ZNF804B: variants seen among roughly 807,000 people sequenced by gnomAD.
ZNF804B encodes zinc finger 804B.
ZNF804B carries 80 observed loss-of-function variants against 101.4 expected under a neutral mutation model. That is an observed-to-expected ratio of 0.79 (90% confidence interval 0.66 to 0.95). The LOEUF is 0.95. ZNF804B is among the 40% of genes least tolerant of loss of function. The pLI is 0.00. For missense variants in ZNF804B, 1,673 were observed against 1,561.9 expected (o/e 1.07, Z -1.20); for synonymous variants, 622 against 558.8 (o/e 1.11, Z -1.59).
At chr7:89,160,997 C>A (rs1258746056) in intron 1 of ZNF804B, among the ~76,000 whole-genome samples, 1 of 152,090 alleles carries the variant, frequency 6.6e-6, no homozygotes, top group Non-Finnish European at 1.5e-5. Context: ...GTCTCTTGTG[C>A]CCCTTGGAGC....
intron 1 of ZNF804B, among the ~76,000 whole-genome samples, chr7:89,008,008 G>T (rs959344413): frequency 6.6e-6 from 1 of 152,024 alleles, no homozygotes; most frequent in Non-Finnish European, 1.5e-5. Flanking sequence ...TTATTCTCAT[G>T]ACAATCAGTC....
intron 1 of ZNF804B, among the ~76,000 whole-genome samples, chr7:88,950,081 G>A (rs568922584): frequency 1.3e-5 from 2 of 151,968 alleles, no homozygotes; most frequent in South Asian, 2.1e-4. Context: ...AAACTCTCCT[G>A]TTAGACCTGG....
At chr7:89,160,321 A>T (rs552914202) in intron 1 of ZNF804B, among the ~76,000 whole-genome samples, 3 of 152,204 alleles carry the variant, frequency 2.0e-5, no homozygotes, top group African/African-American at 7.2e-5. Context: ...ACACTAATAA[A>T]ATTTGACATG....
intron 1 of ZNF804B, among the ~76,000 whole-genome samples, chr7:88,873,939 A>G (rs981365383): frequency 2.0e-5 from 3 of 152,088 alleles, no homozygotes; most frequent in Non-Finnish European, 2.9e-5. Flanking sequence ...CTTAGGATTG[A>G]CTTGGCAATG....
chr7:88,847,863 G>C (rs892118858), intron 1 of ZNF804B, among the ~76,000 whole-genome samples: 4 of 152,078 alleles, frequency 2.6e-5, no homozygotes, highest in African/African-American at 7.2e-5. Flanking sequence ...TAGTTGGTTT[G>C]TTTTCTAATA....
At chr7:89,282,996 A>G (rs1450846633) in intron 2 of ZNF804B, among the ~76,000 whole-genome samples, 1 of 152,236 alleles carries the variant, frequency 6.6e-6, no homozygotes, top group Non-Finnish European at 1.5e-5. Context: ...GATATGTTAT[A>G]TCAGCCATAG....
intron 2 of ZNF804B, among the ~76,000 whole-genome samples, chr7:89,255,481 A>G (rs1358010426): frequency 6.6e-6 from 1 of 152,216 alleles, no homozygotes; most frequent in East Asian, 1.9e-4. Context: ...AATTGGATTT[A>G]CAGCCCAGTG....
At chr7:89,153,393 T>C (rs1790906294) in intron 1 of ZNF804B, among the ~76,000 whole-genome samples, 1 of 150,360 alleles carries the variant, frequency 6.7e-6, no homozygotes, top group South Asian at 2.1e-4. Context: ...TTTCTGATGC[T>C]GGTACTTTAA....
intron 1 of ZNF804B, among the ~76,000 whole-genome samples, chr7:89,097,374 G>T (rs1460659173): frequency 1.3e-5 from 2 of 152,106 alleles, no homozygotes; most frequent in Non-Finnish European, 2.9e-5. Flanking sequence ...AAATTTTTGA[G>T]TCTGCAAATT....
intron 1 of ZNF804B, among the ~76,000 whole-genome samples, chr7:89,178,367 T>G (rs4556022): frequency 0.41 from 61,194 of 150,760 alleles, 13,023 homozygotes; most frequent in Non-Finnish European, 0.47. Flanking sequence ...TCTTATAAAA[T>G]TTATTTTTTA....
At chr7:89,180,427 G>T (rs1788281818) in intron 1 of ZNF804B, among the ~76,000 whole-genome samples, 1 of 152,000 alleles carries the variant, frequency 6.6e-6, no homozygotes, top group African/African-American at 2.4e-5. Context: ...CTTGCCCCAT[G>T]TTCACGCCCA....
chr7:89,143,882 A>T (rs549601244), intron 1 of ZNF804B, among the ~76,000 whole-genome samples: 36 of 152,116 alleles, frequency 2.4e-4, no homozygotes, highest in Non-Finnish European at 4.6e-4. Context: ...CTTGTATCAC[A>T]TTCTCTTCCC....
At chr7:89,176,841 G>A (rs1791330943) in intron 1 of ZNF804B, among the ~76,000 whole-genome samples, 1 of 151,658 alleles carries the variant, frequency 6.6e-6, no homozygotes, top group Admixed American at 6.6e-5. Flanking sequence ...CTCAGGTTTT[G>A]AATATCTTCA....
chr7:89,060,245 T>C (rs2116280467), intron 1 of ZNF804B, among the ~76,000 whole-genome samples: 1 of 152,288 alleles, frequency 6.6e-6, no homozygotes, highest in Admixed American at 6.5e-5. Context: ...ATATTGGTTC[T>C]GTCTCTCTGA....
intron 1 of ZNF804B, among the ~76,000 whole-genome samples, chr7:88,921,305 T>C (rs956328439): frequency 6.6e-6 from 1 of 151,960 alleles, no homozygotes; most frequent in Non-Finnish European, 1.5e-5. Flanking sequence ...TTCAAACATA[T>C]AAGCACTTGA....
At chr7:89,105,029 A>G (rs1790114795) in intron 1 of ZNF804B, among the ~76,000 whole-genome samples, 1 of 152,144 alleles carries the variant, frequency 6.6e-6, no homozygotes, top group African/African-American at 2.4e-5. Context: ...ATACCAATCT[A>G]AAGAATGGAA....
chr7:89,176,591 C>CTTTTTT (rs35866405), intron 1 of ZNF804B, among the ~76,000 whole-genome samples: 1 of 71,938 alleles, frequency 1.4e-5, no homozygotes, highest in African/African-American at 5.3e-5. Flanking sequence ...TTCTTTCTTT[C>CTTTTTT]TTTTTTTTTT....
rs142627073 is a variant in ZNF804B at position 89,145,426 on chromosome 7, G to A, written c.109-72729G>A. Among the ~76,000 whole-genome samples the A allele has an allele frequency of 5.3e-5, 8 of 151,956 alleles. No homozygotes were observed. The East Asian group carries it at 1.6e-3, about 30-fold the overall frequency. ...AAAATAGAGATATTTTAAACATGAG[G>A]TTTTGATTGCTTTAATGACCTAATG... On this transcript the variant is annotated intron_variant, in intron 1 of 3. Transcript: ENST00000333190.
At chr7:88,823,732 A>G (rs529001738) in intron 1 of ZNF804B, among the ~76,000 whole-genome samples, 1 of 152,226 alleles carries the variant, frequency 6.6e-6, no homozygotes, top group East Asian at 1.9e-4. Context: ...AGCTTCTACT[A>G]TTGGGATCTA....
Sources: allele counts gnomAD v4.1 joint callset (sites outside exome capture counted in the v4.1 genomes callset), GRCh38; gene constraint gnomAD v4.1.1; transcripts MANE v1.5; gene names NCBI Gene and HGNC (gene_info 2026-07-23, HGNC 2026-07-21).